ENOX1: variants seen among roughly 807,000 people sequenced by gnomAD.
The protein encoded by ENOX1 is candidate growth-related and time keeping constitutive hydroquinone (NADH) oxidase.
ENOX1 carries 42 observed loss-of-function variants against 82.5 expected under a neutral mutation model. That is an observed-to-expected ratio of 0.51 (90% CI 0.40 to 0.66). The LOEUF is 0.66. Ranked by LOEUF, ENOX1 falls within the 30% of genes least tolerant of loss-of-function variation. The pLI, the probability that ENOX1 is intolerant of heterozygous loss-of-function variation, is 0.00. For missense variants in ENOX1, 608 were observed against 811.6 expected (o/e 0.75, Z 3.05); for synonymous variants, 271 against 282.2 (o/e 0.96, Z 0.40).
At chr13:43,617,659 A>G (rs531611886) in intron 2 of ENOX1, among the ~76,000 whole-genome samples, 1 of 152,334 alleles carries the variant, frequency 6.6e-6, no homozygotes, top group Admixed American at 6.5e-5. Context: ...CAATTTCGCA[A>G]TTGTGAATTG....
At chr13:43,291,118 G>T (rs1460492163) in intron 12 of ENOX1, among the ~76,000 whole-genome samples, 1 of 152,150 alleles carries the variant, frequency 6.6e-6, no homozygotes, top group Non-Finnish European at 1.5e-5. Context: ...TTTTAAAGGG[G>T]TTTCTCTTTT....
intron 2 of ENOX1, among the ~76,000 whole-genome samples, chr13:43,495,859 T>A (rs1442892825): frequency 6.6e-6 from 1 of 152,030 alleles, no homozygotes; most frequent in Non-Finnish European, 1.5e-5. Flanking sequence ...TCCTTTTATT[T>A]TTATCTTTTT....
At chr13:43,254,146 G>A (rs2043615753) in intron 14 of ENOX1, among the ~76,000 whole-genome samples, 1 of 152,160 alleles carries the variant, frequency 6.6e-6, no homozygotes. Context: ...ATTTTCTCGA[G>A]AGGATGGACA....
intron 2 of ENOX1, among the ~76,000 whole-genome samples, chr13:43,570,543 T>C (rs1475192311): frequency 2.0e-5 from 3 of 152,158 alleles, no homozygotes; most frequent in Non-Finnish European, 2.9e-5. Flanking sequence ...TGTTAGCATC[T>C]CATAATGGTT....
chr13:43,553,652 C>A (rs2079303940), intron 2 of ENOX1, among the ~76,000 whole-genome samples: 1 of 152,202 alleles, frequency 6.6e-6, no homozygotes, highest in Admixed American at 6.5e-5. Flanking sequence ...AAATCAGGCA[C>A]ACAGTGATGT....
chr13:43,389,090 CTAAA>C lies in ENOX1; in HGVS notation c.208+22822_208+22825del, dbSNP rs571754741. Among the ~76,000 whole-genome samples, 159 of 152,116 alleles carry C rather than the reference CTAAA, an allele frequency of 1.0e-3. 1 individual carries two copies. The highest frequency in any genetic ancestry group is 1.9e-3 in the Non-Finnish European group (130 of 68,016). On this transcript the variant is annotated intron_variant, in intron 5 of 16. Coordinates refer to ENST00000690772, the MANE Select transcript of ENOX1 (RefSeq NM_001347969.2). Reference sequence around the variant, plus strand: ...ATTACACCCAGATTTAGCAGGGAAACTAAATAGCAAACATTCAAGTAAGTGTCTC... The same window carrying C: ...ATTACACCCAGATTTAGCAGGGAAACTAGCAAACATTCAAGTAAGTGTCTC...
chr13:43,491,511 G>C (rs773050409), intron 2 of ENOX1, among the ~76,000 whole-genome samples: 35 of 152,190 alleles, frequency 2.3e-4, no homozygotes, highest in Non-Finnish European at 4.0e-4. Context: ...GCTCATGCCT[G>C]TAATCCCAGC....
intron 2 of ENOX1, among the ~76,000 whole-genome samples, chr13:43,558,488 A>G (rs1334849639): frequency 6.6e-6 from 1 of 152,214 alleles, no homozygotes; most frequent in Non-Finnish European, 1.5e-5. Flanking sequence ...AGGAGCCAGG[A>G]TATTTCTAGG....
At chr13:43,416,208 T>TGCTCCCCACTTCCCAGATGATGGGTGGCC (rs2054520245) in intron 3 of ENOX1, among the ~76,000 whole-genome samples, 2 of 59,040 alleles carry the variant, frequency 3.4e-5, no homozygotes, top group Non-Finnish European at 6.4e-5. Context: ...ACGGGGCGGC[T>TGCTCCCCACTTCCCAGATGATGGGTGGCC]GGGCAGAGGC....
chr13:43,758,907 T>G (rs1950805981), intron 1 of ENOX1, among the ~76,000 whole-genome samples: 1 of 152,124 alleles, frequency 6.6e-6, no homozygotes. Context: ...ATTCAAAATT[T>G]TATTTGTTAA....
chr13:43,537,100 G>A (rs543070921), intron 2 of ENOX1, among the ~76,000 whole-genome samples: 21 of 152,324 alleles, frequency 1.4e-4, no homozygotes, highest in African/African-American at 3.1e-4. Context: ...ATCCTGGGCA[G>A]AGAAACTGCA....
chr13:43,354,519 A>G (rs1377767920), intron 8 of ENOX1, among the ~76,000 whole-genome samples: 1 of 151,856 alleles, frequency 6.6e-6, no homozygotes, highest in Non-Finnish European at 1.5e-5. Flanking sequence ...TATCTTCCTA[A>G]AATAGGTGTT....
At chr13:43,755,037 T>C (rs1950573842) in intron 1 of ENOX1, among the ~76,000 whole-genome samples, 1 of 151,964 alleles carries the variant, frequency 6.6e-6, no homozygotes, top group South Asian at 2.1e-4. Flanking sequence ...GGTCACATGT[T>C]TCTCCATCCT....
intron 9 of ENOX1, among the ~76,000 whole-genome samples, chr13:43,340,432 G>A (rs1017455634): frequency 2.0e-5 from 3 of 152,222 alleles, no homozygotes; most frequent in Admixed American, 2.0e-4. Flanking sequence ...TCACAATCTC[G>A]GTTGATATCT....
chr13:43,516,376 C>T (rs2077561335), intron 2 of ENOX1, among the ~76,000 whole-genome samples: 1 of 152,094 alleles, frequency 6.6e-6, no homozygotes, highest in African/African-American at 2.4e-5. Context: ...CAAGGACACT[C>T]CTGTTGCACA....
chr13:43,558,744 G>T (rs1457011978), intron 2 of ENOX1, among the ~76,000 whole-genome samples: 2 of 152,140 alleles, frequency 1.3e-5, no homozygotes, highest in Non-Finnish European at 2.9e-5. Flanking sequence ...AGAAATCAAT[G>T]AAAGATACAG....
intron 15 of ENOX1, 126 bp downstream of exon 15, chr13:43,236,510 T>G (rs1474767483): frequency 1.7e-6 from 1 of 579,386 alleles, no homozygotes; most frequent in Non-Finnish European, 2.9e-6. Flanking sequence ...ATAATCTTGA[T>G]GAAATTAATC....
chr13:43,773,493 T>C (rs9533613), intron 1 of ENOX1, among the ~76,000 whole-genome samples: 37,825 of 152,056 alleles, frequency 0.25, 6,048 homozygotes, highest in African/African-American at 0.46. Flanking sequence ...GCCTTGTTCC[T>C]GCCACTGTTC....
At chr13:43,780,446 C>T (rs996501018) in intron 1 of ENOX1, among the ~76,000 whole-genome samples, 4 of 152,118 alleles carry the variant, frequency 2.6e-5, no homozygotes, top group African/African-American at 9.7e-5. Context: ...GAACTTTAAC[C>T]TTTTATCAGC....
Sources: gnomAD v4.1 joint callset for allele counts (sites outside exome capture counted in the v4.1 genomes callset) on GRCh38, gnomAD v4.1.1 for gene constraint, MANE v1.5 for transcripts, NCBI Gene and HGNC (gene_info 2026-07-23, HGNC 2026-07-21) for gene names.